Variants in POTEC observed in about 807,000 individuals in gnomAD.
The protein encoded by POTEC is ANKRD26-like family B member 2.
A neutral mutation model predicts 62.0 loss-of-function variants in POTEC; 35 were observed. That is an observed-to-expected ratio of 0.56 (90% confidence interval 0.43 to 0.75). The LOEUF (loss-of-function observed/expected upper bound fraction) is 0.75. POTEC is among the 30% of genes least tolerant of loss of function. POTEC has a pLI of 0.00. For missense variants in POTEC, 472 were observed against 655.9 expected (o/e 0.72, Z 3.06); for synonymous variants, 156 against 221.5 (o/e 0.70, Z 2.62).
chr18:14,510,606 C>T lies in POTEC; in HGVS notation c.*1292G>A, dbSNP rs45455300. The T allele has an allele frequency of 9.8e-5, 15 of 152,412 alleles. No homozygotes were observed. The East Asian group carries it at 1.9e-3, about 20-fold the overall frequency. The allele number at this position is 152,412 out of a possible 1,614,324, so 9.4% of individuals were successfully genotyped here. The stretch of plus-strand genomic sequence containing the variant: ...AGTGAAGCCTGAGAAAAAGCAAAGA[C>T]GATAGCCTGCCCTTCCCTCTGGGAG... On this transcript the variant is annotated 3_prime_UTR_variant, in exon 11 of 11. Coordinates refer to ENST00000358970, the MANE Select transcript of POTEC (RefSeq NM_001137671.2).
At chr18:14,533,019 C>A in intron 5 of POTEC, 42 bp downstream of exon 5, 3 of 1,605,302 alleles carry the variant, frequency 1.9e-6, no homozygotes, top group East Asian at 4.5e-5. Context: ...TTATTTTAAA[C>A]CTCAATTTAG....
chr18:14,511,921 G>A lies in POTEC; in HGVS notation c.1606C>T (p.Leu536=). ...NSMLQEEIAM[L]ISGDWN The stretch of plus-strand genomic sequence containing the variant: ...ATCTAGTTCCAGTCTCCAGAAATTA[G>A]CATGGCAATTTCTTCCTGCAACATG... Residue 536 remains leucine (L), a synonymous_variant, in exon 11 of 11, where the codon CTA becomes TTA. Transcript: ENST00000358970. 6.2e-7 allele frequency: 1 copy of A among 1,613,814 alleles called. No homozygotes were observed. The highest frequency in any genetic ancestry group is 8.5e-7 in the Non-Finnish European group (1 of 1,179,820).
At position 14,515,355 on chromosome 18, in the gene POTEC, C is replaced by G. The variant is rs1598476479; in HGVS notation, c.1410-1570G>C. On this transcript the variant is annotated intron_variant, in intron 9 of 10. Transcript: ENST00000358970. ...TGGTACTGGTATAAAAGTAGATACA[C>G]AGATCAATGGAACAGAATAGACAAC... 3.3e-5 allele frequency among the ~76,000 whole-genome samples: 5 copies of G among 152,206 alleles called. 1 individual carries two copies. The highest frequency in any genetic ancestry group is 1.2e-4 in the African/African-American group (5 of 41,546).
Position 14,542,845 on chromosome 18 carries a change from C to T in POTEC, c.302G>A (p.Trp101Ter), listed in dbSNP as rs1272626898. 6.2e-7 allele frequency: 1 copy of T among 1,609,904 alleles called. No homozygotes were observed. The highest frequency in any genetic ancestry group is 1.3e-5 in the African/African-American group (1 of 74,788). Reference protein sequence around the residue: ...MKTLRSKMGKWCCHCFPCCRG... With the variant: ...MKTLRSKMGK ...GCAGCAGGGGAAGCAGTGACAGCAC[C>T]ACTTGCCCATCTTGCTCCTGAGCGT... Residue 101 changes from tryptophan to a stop codon, truncating the protein, a stop_gained, in exon 1 of 11, where the codon TGG becomes TAG. Coordinates refer to ENST00000358970, the MANE Select transcript of POTEC (RefSeq NM_001137671.2). LOFTEE classifies it high-confidence loss of function.
At chr18:14,528,064 T>A (rs1910483044) in intron 6 of POTEC, 1 of 152,186 alleles carries the variant, frequency 6.6e-6, no homozygotes, top group Admixed American at 6.5e-5. Flanking sequence ...TTTGCTTACA[T>A]ATAATCATGG....
rs1906040366 is a variant in POTEC at position 14,543,536 on chromosome 18, G to C, written c.-390C>G. On this transcript the variant is annotated 5_prime_UTR_variant, in exon 1 of 11. Coordinates refer to ENST00000358970, the MANE Select transcript of POTEC (RefSeq NM_001137671.2). Reference sequence around the variant, plus strand: ...AGCGACTAACGCCAAGCCAAGCTAGGAACGCAAGGCCAAGCGAGGAACGCA... The same window carrying C: ...AGCGACTAACGCCAAGCCAAGCTAGCAACGCAAGGCCAAGCGAGGAACGCA... 1 of 368,222 alleles carries C rather than the reference G, an allele frequency of 2.7e-6. No homozygotes were observed. The highest frequency in any genetic ancestry group is 5.0e-6 in the Non-Finnish European group (1 of 200,550). 22.8% of individuals were successfully genotyped at this position (368,222 alleles called of 1,614,324 possible).
intron 9 of POTEC, among the ~76,000 whole-genome samples, chr18:14,516,312 A>ATATATATATATT: frequency 1.6e-5 from 1 of 63,322 alleles, no homozygotes; most frequent in Non-Finnish European, 2.9e-5. Flanking sequence ...ATATATATAT[A>ATATATATATATT]TATATATATA....
intron 6 of POTEC, among the ~76,000 whole-genome samples, chr18:14,528,298 A>T (rs1352624625): frequency 6.6e-6 from 1 of 152,194 alleles, no homozygotes; most frequent in African/African-American, 2.4e-5. Flanking sequence ...CCCTATCAAT[A>T]GCCATTCCTT....
rs143972164 is a variant in POTEC, at chr18:14,508,563, C to T, written c.*3335G>A. 0.025 allele frequency: 3,828 copies of T among 152,758 alleles called. 59 individuals are homozygous for T. Among genetic ancestry groups the T allele is most frequent in the Non-Finnish European group, 0.039 (2,635 of 68,026 alleles). The allele number at this position is 152,758 out of a possible 1,614,324, so 9.5% of individuals were successfully genotyped here. A position where few individuals can be genotyped will look rare whatever the true frequency, so the allele number is the denominator to read the frequency against. On this transcript the variant is annotated 3_prime_UTR_variant, in exon 11 of 11. Coordinates refer to ENST00000358970, the MANE Select transcript of POTEC (RefSeq NM_001137671.2). The stretch of plus-strand genomic sequence containing the variant: ...AATTCTTCTAGTGTGATTTACAGCT[C>T]TGTCAGGTCAGTTATTTTCTTCTTT...
intron 4 of POTEC, among the ~76,000 whole-genome samples, chr18:14,534,138 T>C (rs1371385726): frequency 1.5e-5 from 2 of 135,226 alleles, no homozygotes; most frequent in African/African-American, 5.6e-5. Context: ...TGTGATCTCA[T>C]TGTTCAATTC....
intron 6 of POTEC, among the ~76,000 whole-genome samples, chr18:14,526,942 C>T (rs373979442): frequency 4.6e-5 from 7 of 152,150 alleles, no homozygotes; most frequent in East Asian, 3.9e-4. Context: ...GATGATACTA[C>T]GTAGCAAATT....
intron 3 of POTEC, among the ~76,000 whole-genome samples, chr18:14,536,024 T>C (rs1367256887): frequency 6.6e-6 from 1 of 151,580 alleles, no homozygotes; most frequent in Admixed American, 6.6e-5. Flanking sequence ...TCTTAGCATT[T>C]TGGGAGCCTG....
intron 3 of POTEC, among the ~76,000 whole-genome samples, chr18:14,537,172 A>AACACACACACACACACAC (rs1158054861): frequency 1.9e-4 from 12 of 64,750 alleles, no homozygotes; most frequent in East Asian, 3.4e-4. Flanking sequence ...CAACAATAAC[A>AACACACACACACACACAC]ACACACACAC....
intron 10 of POTEC, 39 bp from the exon 11 acceptor site, chr18:14,512,032 G>C (rs761907748): frequency 7.0e-7 from 1 of 1,426,548 alleles, no homozygotes; most frequent in Non-Finnish European, 9.8e-7. Flanking sequence ...GCACTCAATA[G>C]AATGACATAT....
intron 4 of POTEC, among the ~76,000 whole-genome samples, chr18:14,534,571 A>T (rs1905643028): frequency 6.6e-6 from 1 of 151,960 alleles, no homozygotes; most frequent in Non-Finnish European, 1.5e-5. Flanking sequence ...AGGGTTAAGA[A>T]GTTCAATACT....
At chr18:14,528,744 T>C (rs192104573) in intron 6 of POTEC, 160 of 327,284 alleles carry the variant, frequency 4.9e-4, no homozygotes, top group African/African-American at 3.3e-3. Context: ...TCCAAAGCAT[T>C]GTACCTGGTA....
At chr18:14,518,489 T>A (rs901576231) in intron 9 of POTEC, among the ~76,000 whole-genome samples, 1 of 151,092 alleles carries the variant, frequency 6.6e-6, no homozygotes, top group African/African-American at 2.4e-5. Flanking sequence ...GATGTCAAGA[T>A]ACAAATGGGT....
At chr18:14,542,591 C>A (rs746485885) in intron 1 of POTEC, 35 bp downstream of exon 1, 1 of 1,611,894 alleles carries the variant, frequency 6.2e-7, no homozygotes, top group East Asian at 2.2e-5. Context: ...ATCATCCCCC[C>A]ATGTCCCGCC....
chr18:14,539,694 C>T (rs1245949444), intron 1 of POTEC, among the ~76,000 whole-genome samples: 1 of 151,538 alleles, frequency 6.6e-6, no homozygotes, highest in Non-Finnish European at 1.5e-5. Flanking sequence ...AGTCTTTACC[C>T]AAGCCTTATA....
Sources: gnomAD v4.1 joint callset for allele counts (sites outside exome capture counted in the v4.1 genomes callset) on GRCh38, gnomAD v4.1.1 for gene constraint, MANE v1.5 for transcripts, NCBI Gene and HGNC (gene_info 2026-07-23, HGNC 2026-07-21) for gene names.